CYTH4: variants seen among roughly 807,000 people sequenced by gnomAD.
The protein encoded by CYTH4 is cytohesin-4.
A neutral mutation model predicts 57.5 loss-of-function variants in CYTH4; 22 were observed. That is an observed-to-expected ratio of 0.38 (90% CI 0.27 to 0.55). CYTH4 has a LOEUF of 0.55. CYTH4 is among the 20% of genes least tolerant of loss of function. CYTH4 has a pLI of 0.74. For synonymous variants in CYTH4, 186 were observed against 206.5 expected (o/e 0.90, Z 0.85); for missense variants, 420 against 535.6 (o/e 0.78, Z 2.13).
At position 37,311,588 on chromosome 22, in the gene CYTH4, C is replaced by A; in HGVS notation, c.957+61C>A. 4 of 1,543,540 alleles carry A rather than the reference C, an allele frequency of 2.6e-6. No homozygotes were observed. The East Asian group carries it at 6.7e-5, about 26-fold the overall frequency. On this transcript the variant is annotated intron_variant, in intron 11 of 12. Coordinates refer to ENST00000248901, the MANE Select transcript of CYTH4 (RefSeq NM_013385.5). This position sits in a 1 kb window ranked among gnomAD's most constrained non-coding sequence, Gnocchi z 4.4. ...CCACTGGGAAATTTCCTAAACAGAA[C>A]GTGGGGAGAGGGCCTGAGGCTGGGC... is the stretch of plus-strand genomic sequence containing the variant.
At chr22:37,294,082 G>A (rs888483792) in intron 2 of CYTH4, among the ~76,000 whole-genome samples, 8 of 150,698 alleles carry the variant, frequency 5.3e-5, no homozygotes, top group African/African-American at 2.0e-4. Flanking sequence ...GGAGCCATGG[G>A]AGGGGTTTGA....
intron 12 of CYTH4, among the ~76,000 whole-genome samples, 173 bp from the exon 13 acceptor site, chr22:37,313,266 A>G (rs1442975874): frequency 6.6e-6 from 1 of 152,208 alleles, no homozygotes; most frequent in Non-Finnish European, 1.5e-5. Context: ...GGTTAGGCTT[A>G]CAAGTCTGGA....
chr22:37,297,862 T>C (rs559760095), intron 5 of CYTH4, 180 bp downstream of exon 5: 17 of 540,468 alleles, frequency 3.1e-5, no homozygotes, highest in Admixed American at 6.1e-5. Flanking sequence ...TTCATTCATT[T>C]AGTCATTTAT....
At chr22:37,293,578 A>G (rs1004171506) in intron 2 of CYTH4, among the ~76,000 whole-genome samples, 5 of 152,276 alleles carry the variant, frequency 3.3e-5, no homozygotes, top group Non-Finnish European at 7.3e-5. Context: ...TGGCATGAAC[A>G]GGAGCTGACA....
chr22:37,297,751 T>A, intron 5 of CYTH4, 69 bp downstream of exon 5: 2 of 1,338,546 alleles, frequency 1.5e-6, no homozygotes, highest in Non-Finnish European at 2.1e-6. Flanking sequence ...TGTGTGGATG[T>A]GCAGGTGAGA....
rs1276589094 is a variant in CYTH4, at chr22:37,295,714, T to G, written c.168-285T>G. 1.3e-5 allele frequency among the ~76,000 whole-genome samples: 2 copies of G among 152,208 alleles called. No homozygotes were observed. The highest frequency in any genetic ancestry group is 2.9e-5 in the Non-Finnish European group (2 of 68,030). On this transcript the variant is annotated intron_variant, in intron 3 of 12. Transcript: ENST00000248901. This position sits in a 1 kb window ranked among gnomAD's most constrained non-coding sequence, Gnocchi z 4.1. ...TCAGCCCTCGCCCCCTCCCCCGGTT[T>G]CTTGCACAGGGCCCCTCCACCTTCT...
At chr22:37,308,630 C>CATGTA (rs1569111797) in intron 8 of CYTH4, among the ~76,000 whole-genome samples, 2 of 149,668 alleles carry the variant, frequency 1.3e-5, no homozygotes, top group African/African-American at 2.5e-5. Context: ...GCATGCATGT[C>CATGTA]TGTGTGAGTA....
intron 9 of CYTH4, among the ~76,000 whole-genome samples, chr22:37,310,576 T>A (rs962020012): frequency 6.6e-6 from 1 of 152,338 alleles, no homozygotes; most frequent in East Asian, 1.9e-4. Flanking sequence ...TCATACGTGG[T>A]TGTGAGGATT....
chr22:37,301,410 C>A (rs1929177692), intron 7 of CYTH4, among the ~76,000 whole-genome samples: 1 of 152,058 alleles, frequency 6.6e-6, no homozygotes, highest in Non-Finnish European at 1.5e-5. Context: ...GCAGGAGTTT[C>A]AGTTGGAACA....
rs1182955135 is a variant in CYTH4 at position 37,311,771 on chromosome 22, C to T, written c.957+244C>T. 3.0e-6 allele frequency: 2 copies of T among 655,948 alleles called. No individual in the cohort carries two copies. Among genetic ancestry groups the T allele is most frequent in the African/African-American group, 1.8e-5 (1 of 54,948 alleles). 40.6% of individuals were successfully genotyped at this position (655,948 alleles called of 1,614,324 possible). ...CACAGCCCGACTGGCTGGATGGCCC[C>T]GAGTAAGCTCCACTCCATTCAGAAC... On this transcript the variant is annotated intron_variant, in intron 11 of 12. Transcript: ENST00000248901. The surrounding 1 kb of genome is among the most constrained non-coding windows in gnomAD (Gnocchi z 4.4).
At chr22:37,285,941 A>C (rs927623062) in intron 1 of CYTH4, among the ~76,000 whole-genome samples, 1 of 152,152 alleles carries the variant, frequency 6.6e-6, no homozygotes, top group Non-Finnish European at 1.5e-5. Flanking sequence ...AGAAGGGGAC[A>C]GGGGACTGAG....
intron 1 of CYTH4, among the ~76,000 whole-genome samples, chr22:37,287,516 G>A (rs1429641318): frequency 6.6e-6 from 1 of 152,230 alleles, no homozygotes; most frequent in Non-Finnish European, 1.5e-5. Context: ...GGCAACCCAA[G>A]GTGATTGGTT....
Position 37,298,639 on chromosome 22 carries a change from G to A in CYTH4, c.354-587G>A, listed in dbSNP as rs1004697004. Among the ~76,000 whole-genome samples the A allele has an allele frequency of 2.0e-5, 3 of 152,130 alleles. No individual in the cohort carries two copies. The highest frequency in any genetic ancestry group is 2.1e-4 in the South Asian group (1 of 4,826). On this transcript the variant is annotated intron_variant, in intron 5 of 12. Coordinates refer to ENST00000248901, the MANE Select transcript of CYTH4 (RefSeq NM_013385.5). The surrounding 1 kb of genome is among the most constrained non-coding windows in gnomAD (Gnocchi z 4.1). ...AGGAGAGAGGAAGGATATTGTGGGC[G>A]AGGAGGTGGGGATCTGTGGGAGCGC... is the stretch of plus-strand genomic sequence containing the variant.
At chr22:37,290,676 T>C (rs919417903) in intron 1 of CYTH4, among the ~76,000 whole-genome samples, 1 of 152,194 alleles carries the variant, frequency 6.6e-6, no homozygotes, top group African/African-American at 2.4e-5. Context: ...GCCTGGCTAA[T>C]TTTTTGTATT....
At position 37,313,773 on chromosome 22, in the gene CYTH4, G is replaced by T. The variant is rs1183249153; in HGVS notation, c.*262G>T. ...CTGCCCTACGTGCACTACAGGAAGG[G>T]GTGAGGAGAGCAGCCAGAGGAAAAC... On this transcript the variant is annotated 3_prime_UTR_variant, in exon 13 of 13. Coordinates refer to ENST00000248901, the MANE Select transcript of CYTH4 (RefSeq NM_013385.5). The T allele has an allele frequency of 2.0e-5, 10 of 488,104 alleles. No homozygotes were observed. The allele number at this position is 488,104 out of a possible 1,614,324, so 30.2% of individuals were successfully genotyped here. A position where few individuals can be genotyped will look rare whatever the true frequency, so the allele number is the denominator to read the frequency against.
chr22:37,304,378 T>C, intron 8 of CYTH4: 2 of 428,594 alleles, frequency 4.7e-6, no homozygotes, highest in Non-Finnish European at 9.5e-6. Flanking sequence ...CTGTTTCCTA[T>C]GGGCCACAGG....
chr22:37,310,167 C>T, intron 9 of CYTH4: 1 of 350,966 alleles, frequency 2.8e-6, no homozygotes, highest in Non-Finnish European at 6.1e-6. Flanking sequence ...CATGAGCCCT[C>T]TGACTCTCCA....
chr22:37,303,387 C>G lies in CYTH4; in HGVS notation c.681C>G (p.Pro227=), dbSNP rs141320333. Reference sequence around the variant, plus strand: ...GCATCAACAATGGTAGCGACCTGCCCGAGGACCAGCTGCGGGTGAGAGAGG... The same window carrying G: ...GCATCAACAATGGTAGCGACCTGCCGGAGGACCAGCTGCGGGTGAGAGAGG... ...NRGINNGSDL[P]EDQLRNLFDS... Residue 227 remains proline (P), a synonymous_variant, in exon 8 of 13, where the codon CCC becomes CCG. Transcript: ENST00000248901. 3.7e-6 allele frequency: 6 copies of G among 1,613,478 alleles called. No individual in the cohort carries two copies. Among genetic ancestry groups the G allele is most frequent in the African/African-American group, 1.3e-5 (1 of 75,028 alleles).
At chr22:37,291,356 GAGA>G in intron 1 of CYTH4, among the ~76,000 whole-genome samples, 1 of 152,344 alleles carries the variant, frequency 6.6e-6, no homozygotes, top group Middle Eastern at 3.4e-3. Flanking sequence ...GCTTAATCAT[GAGA>G]AGGAGAAGTA....
Sources: allele counts gnomAD v4.1 joint callset (sites outside exome capture counted in the v4.1 genomes callset), GRCh38; gene constraint gnomAD v4.1.1; non-coding constraint Gnocchi (gnomAD v3.1); transcripts MANE v1.5; gene names NCBI Gene and HGNC (gene_info 2026-07-23, HGNC 2026-07-21).